The following ACAP1 variants were observed in gnomAD, a reference collection of about 807,000 sequenced individuals.
ACAP1 encodes the protein ArfGAP with coiled-coil, ankyrin repeat and PH domains 1.
Under a neutral mutation model 98.8 loss-of-function variants are expected in ACAP1, and 45 were observed. That is an observed-to-expected ratio of 0.46 (90% confidence interval 0.36 to 0.58). The LOEUF is 0.58. Among genes scored for constraint, ACAP1 ranks in the 20% least tolerant of loss-of-function variants. The probability of loss-of-function intolerance (pLI) is 0.00; values close to 1 mark genes in which losing one functional copy is unlikely to be tolerated. For synonymous variants in ACAP1, 362 were observed against 375.3 expected (o/e 0.96, Z 0.41); for missense variants, 735 against 971.4 (o/e 0.76, Z 3.24).
At position 7,350,071 on chromosome 17, in the gene ACAP1, G is replaced by A; in HGVS notation, c.1961+17G>A. 5 of 1,613,114 alleles carry A rather than the reference G, an allele frequency of 3.1e-6. No homozygotes were observed. The highest frequency in any genetic ancestry group is 4.2e-6 in the Non-Finnish European group (5 of 1,179,172). The stretch of plus-strand genomic sequence containing the variant: ...CCACACGGGGTAGGGATGATGGCAT[G>A]GGGAGGAAGGCTGGGAGAAGTTGGG... On this transcript the variant is annotated intron_variant, in intron 19 of 21. Coordinates refer to ENST00000158762, the MANE Select transcript of ACAP1 (RefSeq NM_014716.4). This position sits in a 1 kb window ranked among gnomAD's most constrained non-coding sequence, Gnocchi z 4.6.
intron 2 of ACAP1, among the ~76,000 whole-genome samples, chr17:7,341,447 G>A (rs2073277314): frequency 6.6e-6 from 1 of 152,206 alleles, no homozygotes; most frequent in Non-Finnish European, 1.5e-5. Flanking sequence ...TCACCATGTT[G>A]CCCAGGCTGC....
At chr17:7,342,148 G>T in intron 3 of ACAP1, 81 bp downstream of exon 3, 3 of 1,607,420 alleles carry the variant, frequency 1.9e-6, no homozygotes, top group Admixed American at 3.3e-5. Context: ...CTGGCCTGGG[G>T]TCTGCAGGTT....
chr17:7,338,955 A>G (rs985983462), intron 2 of ACAP1, among the ~76,000 whole-genome samples: 1 of 152,064 alleles, frequency 6.6e-6, no homozygotes, highest in Non-Finnish European at 1.5e-5. Flanking sequence ...CAATACTAGT[A>G]CATTATTAAA....
chr17:7,349,773 G>C, intron 18 of ACAP1, 172 bp from the exon 19 acceptor site: 1 of 567,636 alleles, frequency 1.8e-6, no homozygotes, highest in South Asian at 2.6e-5. Context: ...ATGAATACAT[G>C]CAAAGAGCTA....
At position 7,350,875 on chromosome 17, in the gene ACAP1, G is replaced by T. The variant is rs578131595; in HGVS notation, c.2073-75G>T. The T allele has an allele frequency of 6.8e-7, 1 of 1,467,126 alleles. No individual in the cohort carries two copies. Among genetic ancestry groups the T allele is most frequent in the African/African-American group, 1.4e-5 (1 of 72,100 alleles). The allele number at this position is 1,467,126 out of a possible 1,614,324, so 90.9% of individuals were successfully genotyped here. A position where few individuals can be genotyped will look rare whatever the true frequency, so the allele number is the denominator to read the frequency against. Reference sequence around the variant, plus strand: ...TCCGCCTGCCTCGGCCTCCCAAAGTGTTGGGATTACAGGCGTGAGCCACCG... The same window carrying T: ...TCCGCCTGCCTCGGCCTCCCAAAGTTTTGGGATTACAGGCGTGAGCCACCG... On this transcript the variant is annotated intron_variant, in intron 20 of 21. Transcript: ENST00000158762. This position sits in a 1 kb window ranked among gnomAD's most constrained non-coding sequence, Gnocchi z 4.6.
rs769289872 is a variant in ACAP1 at position 7,349,963 on chromosome 17, G to A, written c.1870G>A (p.Glu624Lys). The A allele has an allele frequency of 1.4e-5, 22 of 1,611,852 alleles. No homozygotes were observed. The highest frequency in any genetic ancestry group is 1.9e-5 in the Non-Finnish European group (22 of 1,178,694). The change falls in exon 19 of 22, where the codon GAG becomes AAG. Residue 624 changes from glutamate to lysine, a missense_variant. Around this residue, in one of 5 missense-constraint regions of ACAP1, gnomAD observed 142 missense variants for 224.1 expected, o/e 0.63. Transcript: ENST00000158762. ...ATAANSLLAC[E>K]FLLQNGANVN... is the part of the protein sequence containing the mutation. ...CATGCAGAATTCTCTTCTGGCCTGTGAGTTTCTCCTCCAGAACGGGGCGAA... is the reference window on the plus strand; with the variant it reads ...CATGCAGAATTCTCTTCTGGCCTGTAAGTTTCTCCTCCAGAACGGGGCGAA...
chr17:7,336,967 C>T (rs2073226669), intron 1 of ACAP1, among the ~76,000 whole-genome samples, 180 bp downstream of exon 1: 1 of 152,114 alleles, frequency 6.6e-6, no homozygotes, highest in Admixed American at 6.5e-5. Context: ...CTCTCTGCCC[C>T]TGCATGCTCC....
chr17:7,350,253 G>A lies in ACAP1; in HGVS notation c.2072+16G>A. 1 of 1,609,366 alleles carries A rather than the reference G, an allele frequency of 6.2e-7. No homozygotes were observed. The highest frequency in any genetic ancestry group is 8.5e-7 in the Non-Finnish European group (1 of 1,176,180). On this transcript the variant is annotated intron_variant, in intron 20 of 21. Coordinates refer to ENST00000158762, the MANE Select transcript of ACAP1 (RefSeq NM_014716.4). This position sits in a 1 kb window ranked among gnomAD's most constrained non-coding sequence, Gnocchi z 4.6. The stretch of plus-strand genomic sequence containing the variant: ...TCGTCACCCTGTAAGAATGCCTGAA[G>A]GGGCGGGGCTGGCGCTGGGACTCCC...
At chr17:7,342,196 C>T in intron 3 of ACAP1, 79 bp from the exon 4 acceptor site, 2 of 1,607,742 alleles carry the variant, frequency 1.2e-6, no homozygotes, top group South Asian at 2.2e-5. Flanking sequence ...TCCATGACAG[C>T]CGTAGCAGGC....
In ACAP1 at chr17:7,344,716, C is replaced by A; in HGVS notation, c.854+68C>A. 13 of 1,170,146 alleles carry A rather than the reference C, an allele frequency of 1.1e-5. No homozygotes were observed. The highest frequency in any genetic ancestry group is 1.6e-5 in the Non-Finnish European group (13 of 805,426). 72.5% of individuals were successfully genotyped at this position (1,170,146 alleles called of 1,614,324 possible). ...TGTATTTTCGAGTGGTAATAGCACA[C>A]TAAGCACTGCAAGGAAAAACAGACG... is the stretch of plus-strand genomic sequence containing the variant. On this transcript the variant is annotated intron_variant, in intron 10 of 21. Transcript: ENST00000158762. The surrounding 1 kb of genome is among the most constrained non-coding windows in gnomAD (Gnocchi z 4.9).
In ACAP1 at chr17:7,344,594, T is replaced by C. The variant is rs2073329131; in HGVS notation, c.800T>C (p.Val267Ala). 1 of 1,551,300 alleles carries C rather than the reference T, an allele frequency of 6.4e-7. No homozygotes were observed. Among genetic ancestry groups the C allele is most frequent in the African/African-American group, 1.4e-5 (1 of 73,012 alleles). The change falls in exon 10 of 22, where the codon GTG becomes GCG. Residue 267 changes from valine (V) to alanine (A), a missense_variant. Coordinates refer to ENST00000158762, the MANE Select transcript of ACAP1 (RefSeq NM_014716.4). This position sits in a 1 kb window ranked among gnomAD's most constrained non-coding sequence, Gnocchi z 4.9. ...TTAAGAGAGGGGCCTGGTGGCCTGG[T>C]GATGGAAGGACATCTCTTCAAACGG... ...PSLREGPGGL[V>A]MEGHLFKRAS...
In ACAP1 at chr17:7,342,432, C is replaced by T. The variant is rs1411273081; in HGVS notation, c.302C>T (p.Thr101Ile). The T allele has an allele frequency of 6.2e-7, 1 of 1,614,188 alleles. No homozygotes were observed. Among genetic ancestry groups the T allele is most frequent in the East Asian group, 2.2e-5 (1 of 44,886 alleles). Reference sequence around the variant, plus strand: ...TTCCCTCAGGAGCTTCTAGATGCCACCCAACACACACTGCAGCAGCAGATC... The same window carrying T: ...TTCCCTCAGGAGCTTCTAGATGCCATCCAACACACACTGCAGCAGCAGATC... ...LDSHAELLDA[T>I]QHTLQQQIQT... Residue 101 changes from threonine to isoleucine, a missense_variant, in exon 5 of 22, where the codon ACC becomes ATC. By Grantham distance (89) the Thr-to-Ile change is moderately conservative. Transcript: ENST00000158762.
intron 5 of ACAP1, 164 bp downstream of exon 5, chr17:7,342,638 G>A (rs2073298144): frequency 1.2e-6 from 1 of 802,660 alleles, no homozygotes; most frequent in East Asian, 2.7e-5. Context: ...GGTGGCTCAT[G>A]CCTATGATCC....
Position 7,344,033 on chromosome 17 carries a change from C to A in ACAP1, c.670-16C>A, listed in dbSNP as rs758886760. The A allele has an allele frequency of 1.3e-6, 2 of 1,586,212 alleles. No individual in the cohort carries two copies. The highest frequency in any genetic ancestry group is 1.1e-5 in the South Asian group (1 of 87,758). Reference sequence around the variant, plus strand: ...TGGGGGGCCTTGGACATCTGAGATGCCCTTCCTGTGCCCAGTTGCACCAGC... The same window carrying A: ...TGGGGGGCCTTGGACATCTGAGATGACCTTCCTGTGCCCAGTTGCACCAGC... On this transcript the variant is annotated splice_polypyrimidine_tract_variant and intron_variant, in intron 8 of 21. Transcript: ENST00000158762. This position sits in a 1 kb window ranked among gnomAD's most constrained non-coding sequence, Gnocchi z 4.9.
chr17:7,338,116 T>C (rs1264828435), intron 2 of ACAP1, among the ~76,000 whole-genome samples: 11 of 152,164 alleles, frequency 7.2e-5, no homozygotes, highest in Non-Finnish European at 1.5e-5. Flanking sequence ...TCTGCAACAT[T>C]TACCTCTGAC....
intron 5 of ACAP1, 152 bp downstream of exon 5, chr17:7,342,626 A>G (rs1177358984): frequency 9.1e-6 from 8 of 880,644 alleles, no homozygotes; most frequent in Non-Finnish European, 1.2e-5. Context: ...TAGGCCGGGC[A>G]CGGTGGCTCA....
rs115531023 is a variant in ACAP1 at position 7,339,821 on chromosome 17, G to A, written c.112-2127G>A. ...AAGGAATTCCTTTACAGTGGTACCC[G>A]ACACCCTTCCCACACTTCTTTAATC... On this transcript the variant is annotated intron_variant, in intron 2 of 21. Coordinates refer to ENST00000158762, the MANE Select transcript of ACAP1 (RefSeq NM_014716.4). Among the ~76,000 whole-genome samples, 229 of 152,128 alleles carry A rather than the reference G, an allele frequency of 1.5e-3. 1 individual carries two copies. Among genetic ancestry groups the A allele is most frequent in the African/African-American group, 5.3e-3 (221 of 41,514 alleles).
At position 7,350,427 on chromosome 17, in the gene ACAP1, G is replaced by A; in HGVS notation, c.2072+190G>A. The stretch of plus-strand genomic sequence containing the variant: ...GAAGTGTGCACTGGGACGTGGAGTA[G>A]AAGGCAGGCGGGAGGGCGGGCAGGG... On this transcript the variant is annotated intron_variant, in intron 20 of 21. Coordinates refer to ENST00000158762, the MANE Select transcript of ACAP1 (RefSeq NM_014716.4). This position sits in a 1 kb window ranked among gnomAD's most constrained non-coding sequence, Gnocchi z 4.6. 2 of 491,800 alleles carry A rather than the reference G, an allele frequency of 4.1e-6. No homozygotes were observed. The highest frequency in any genetic ancestry group is 4.1e-5 in the South Asian group (2 of 49,058). The allele number at this position is 491,800 out of a possible 1,614,324, so 30.5% of individuals were successfully genotyped here.
intron 5 of ACAP1, 154 bp downstream of exon 5, chr17:7,342,628 G>A (rs1316728776): frequency 9.3e-6 from 8 of 861,444 alleles, no homozygotes; most frequent in Middle Eastern, 3.4e-4. Flanking sequence ...GGCCGGGCAC[G>A]GTGGCTCATG....
Sources: gnomAD v4.1 joint callset for allele counts (sites outside exome capture counted in the v4.1 genomes callset) on GRCh38, gnomAD v4.1.1 for gene constraint, gnomAD v4.1.1 regional missense constraint, Gnocchi (gnomAD v3.1) non-coding constraint, MANE v1.5 for transcripts, NCBI Gene and HGNC (gene_info 2026-07-23, HGNC 2026-07-21) for gene names.